Variants in CACNA2D3 observed in about 807,000 individuals in gnomAD.
CACNA2D3 encodes the protein voltage-dependent calcium channel subunit alpha-2/delta-3.
In CACNA2D3, 60 loss-of-function variants were observed where a neutral mutation model predicts 160.6. The ratio of observed to expected loss-of-function variants is 0.37; its 90% CI spans 0.30 to 0.46. The LOEUF (loss-of-function observed/expected upper bound fraction) is 0.46. CACNA2D3 is among the 20% of genes least tolerant of loss of function. The pLI is 1.00. For missense variants in CACNA2D3, 1,205 were observed against 1,365.0 expected (o/e 0.88, Z 1.85); for synonymous variants, 558 against 492.9 (o/e 1.13, Z -1.75).
chr3:54,889,857 C>A (rs940435164), intron 24 of CACNA2D3, among the ~76,000 whole-genome samples: 7 of 152,160 alleles, frequency 4.6e-5, no homozygotes. Context: ...TCTCATGAAA[C>A]TCAAAATCTT....
At chr3:54,460,280 C>T (rs1700476795) in intron 4 of CACNA2D3, among the ~76,000 whole-genome samples, 1 of 152,042 alleles carries the variant, frequency 6.6e-6, no homozygotes, top group Admixed American at 6.6e-5. Context: ...TCCATATGAA[C>T]TTTAAAGTAG....
chr3:54,283,355 C>G lies in CACNA2D3; in HGVS notation c.205-37087C>G, dbSNP rs145363066. 8.5e-5 allele frequency among the ~76,000 whole-genome samples: 13 copies of G among 152,298 alleles called. 1 individual carries two copies. Among genetic ancestry groups the G allele is most frequent in the African/African-American group, 3.1e-4 (13 of 41,568 alleles). On this transcript the variant is annotated intron_variant, in intron 2 of 37. Coordinates refer to ENST00000474759, the MANE Select transcript of CACNA2D3 (RefSeq NM_018398.3). ...AAGAGATAGACTTTAAGGGTCCTCCCTCCATGGATATCTCCTGATGCTGTG... is the reference window on the plus strand; with the variant it reads ...AAGAGATAGACTTTAAGGGTCCTCCGTCCATGGATATCTCCTGATGCTGTG...
chr3:55,028,524 A>T (rs996468823), intron 35 of CACNA2D3, among the ~76,000 whole-genome samples: 1 of 152,174 alleles, frequency 6.6e-6, no homozygotes, highest in Non-Finnish European at 1.5e-5. Flanking sequence ...TCTAAAAAGG[A>T]TGTAATGTTT....
intron 2 of CACNA2D3, among the ~76,000 whole-genome samples, chr3:54,128,924 G>T (rs529508829): frequency 6.6e-6 from 1 of 152,138 alleles, no homozygotes; most frequent in South Asian, 2.1e-4. Context: ...GTTTCATCTC[G>T]AGTGACTGCA....
intron 10 of CACNA2D3, among the ~76,000 whole-genome samples, chr3:54,631,671 G>C (rs2106824264): frequency 6.6e-6 from 1 of 152,300 alleles, no homozygotes; most frequent in South Asian, 2.1e-4. Context: ...TATTTGCTCA[G>C]ATGACTTAAA....
At chr3:54,192,233 C>T (rs1700997953) in intron 2 of CACNA2D3, among the ~76,000 whole-genome samples, 1 of 151,728 alleles carries the variant, frequency 6.6e-6, no homozygotes, top group Admixed American at 6.6e-5. Context: ...GAGGAGAAGA[C>T]TTTTATTTTT....
chr3:54,501,663 T>A (rs1215046704), intron 4 of CACNA2D3, among the ~76,000 whole-genome samples: 1 of 151,852 alleles, frequency 6.6e-6, no homozygotes, highest in Non-Finnish European at 1.5e-5. Context: ...CAAGCAATCC[T>A]CCTGCCTTGG....
At chr3:54,439,333 T>TGTGTGTGTGTGTGTGTGTGTGTG (rs869041749) in intron 4 of CACNA2D3, among the ~76,000 whole-genome samples, 1 of 147,860 alleles carries the variant, frequency 6.8e-6, no homozygotes, top group African/African-American at 2.6e-5. Context: ...GTGTGTGTGT[T>TGTGTGTGTGTGTGTGTGTGTGTG]TGTGTGTGAA....
In CACNA2D3 at chr3:54,271,849, C is replaced by G. The variant is rs952338206; in HGVS notation, c.205-48593C>G. 7.2e-5 allele frequency among the ~76,000 whole-genome samples: 11 copies of G among 152,280 alleles called. No homozygotes were observed. In the East Asian group the frequency reaches 9.7e-4, roughly 13 times the overall value. On this transcript the variant is annotated intron_variant, in intron 2 of 37. Coordinates refer to ENST00000474759, the MANE Select transcript of CACNA2D3 (RefSeq NM_018398.3). ...CTCCCAATCACCTTTGATTTTGTCT[C>G]GGAGAAACTGGGCCATGCTAAGTAA...
chr3:54,669,196 T>C (rs1308029650), intron 11 of CACNA2D3, among the ~76,000 whole-genome samples: 1 of 152,230 alleles, frequency 6.6e-6, no homozygotes, highest in Non-Finnish European at 1.5e-5. Context: ...CTTAATGCTC[T>C]GCTATTTTCA....
chr3:54,422,248 A>G (rs6803057), intron 4 of CACNA2D3, among the ~76,000 whole-genome samples: 152,182 of 152,336 alleles, frequency 1, 76,014 homozygotes, highest in Middle Eastern at 1. Flanking sequence ...CTGTGACACT[A>G]AAGATTTTTC....
At chr3:54,465,148 C>G (rs964070360) in intron 4 of CACNA2D3, among the ~76,000 whole-genome samples, 4 of 151,364 alleles carry the variant, frequency 2.6e-5, no homozygotes, top group Non-Finnish European at 4.4e-5. Flanking sequence ...TTAACAAATT[C>G]AGTTGCATTT....
chr3:54,901,531 A>G (rs895748146), intron 27 of CACNA2D3, among the ~76,000 whole-genome samples: 2 of 152,168 alleles, frequency 1.3e-5, no homozygotes, highest in South Asian at 2.1e-4. Context: ...GTCGAGTTGC[A>G]TCGCTGGCCA....
chr3:54,853,574 A>G (rs1026211064), intron 17 of CACNA2D3, among the ~76,000 whole-genome samples: 2 of 152,094 alleles, frequency 1.3e-5, no homozygotes, highest in African/African-American at 4.8e-5. Context: ...GCACTATGCT[A>G]TTTAATGGAG....
intron 27 of CACNA2D3, among the ~76,000 whole-genome samples, chr3:54,937,157 G>A (rs756548403): frequency 6.6e-6 from 1 of 152,160 alleles, no homozygotes; most frequent in Non-Finnish European, 1.5e-5. Context: ...TGTGCTCAAG[G>A]GACTCTCATT....
chr3:54,912,454 C>T (rs1172674335), intron 27 of CACNA2D3, among the ~76,000 whole-genome samples: 1 of 152,078 alleles, frequency 6.6e-6, no homozygotes, highest in Admixed American at 6.6e-5. Flanking sequence ...CCCTTTTGCC[C>T]ACTCAACCAC....
intron 4 of CACNA2D3, among the ~76,000 whole-genome samples, chr3:54,423,695 T>C (rs776026814): frequency 7.2e-5 from 11 of 152,148 alleles, no homozygotes; most frequent in Non-Finnish European, 1.0e-4. Context: ...CTCTGGTTTT[T>C]CTGAGTAAAA....
intron 2 of CACNA2D3, among the ~76,000 whole-genome samples, chr3:54,124,082 C>T (rs1366597278): frequency 6.6e-6 from 1 of 152,140 alleles, no homozygotes; most frequent in Admixed American, 6.5e-5. Flanking sequence ...TCATCTAGAC[C>T]CAGGGCTAGG....
intron 3 of CACNA2D3, among the ~76,000 whole-genome samples, chr3:54,364,304 A>C (rs1010006979): frequency 1.3e-5 from 2 of 152,262 alleles, no homozygotes; most frequent in Non-Finnish European, 2.9e-5. Flanking sequence ...AACAACAGGG[A>C]CATACGATTT....
Sources: allele counts gnomAD v4.1 joint callset (sites outside exome capture counted in the v4.1 genomes callset), GRCh38; gene constraint gnomAD v4.1.1; transcripts MANE v1.5; gene names NCBI Gene and HGNC (gene_info 2026-07-23, HGNC 2026-07-21).